The following CNTNAP2 variants were observed in gnomAD, a reference collection of about 807,000 sequenced individuals.
CNTNAP2 encodes contactin-associated protein-like 2.
Under a neutral mutation model 155.2 loss-of-function variants are expected in CNTNAP2, and 98 were observed. The ratio of observed to expected loss-of-function variants is 0.63; its 90% CI spans 0.54 to 0.75. The LOEUF (loss-of-function observed/expected upper bound fraction) is 0.75, where lower values mean the gene tolerates loss of function less well. CNTNAP2 is among the 30% of genes least tolerant of loss of function. The pLI, the probability that CNTNAP2 is intolerant of heterozygous loss-of-function variation, is 0.00. For synonymous variants in CNTNAP2, 651 were observed against 631.2 expected (o/e 1.03, Z -0.47); for missense variants, 1,727 against 1,688.1 (o/e 1.02, Z -0.40).
intron 1 of CNTNAP2, among the ~76,000 whole-genome samples, chr7:146,488,263 C>T (rs1797086315): frequency 8.1e-6 from 1 of 123,922 alleles, no homozygotes. Flanking sequence ...CCTCCCCTCC[C>T]CTCCCCTCCC....
chr7:147,800,887 G>C (rs1051537979), intron 13 of CNTNAP2, among the ~76,000 whole-genome samples: 1 of 152,164 alleles, frequency 6.6e-6, no homozygotes, highest in Non-Finnish European at 1.5e-5. Flanking sequence ...GCAGTATTCA[G>C]TACAGTAACA....
At chr7:147,969,359 C>G (rs575810257) in intron 14 of CNTNAP2, among the ~76,000 whole-genome samples, 1 of 152,098 alleles carries the variant, frequency 6.6e-6, no homozygotes, top group South Asian at 2.1e-4. Context: ...CAAACTGGGC[C>G]CCTTCTGATT....
Position 146,520,608 on chromosome 7 carries a change from G to A in CNTNAP2, c.98-253663G>A, listed in dbSNP as rs182296632. ...TCCTAGGTCGTCTTTTTACAGAATG[G>A]AGGAAATGGCCTTTTAATTCCACAA... On this transcript the variant is annotated intron_variant, in intron 1 of 23. Transcript: ENST00000361727. 7.3e-5 allele frequency among the ~76,000 whole-genome samples: 11 copies of A among 151,724 alleles called. No individual in the cohort carries two copies. In the East Asian group the frequency reaches 2.1e-3, roughly 29 times the overall value.
In CNTNAP2 at chr7:146,348,450, G is replaced by C. The variant is rs989192357; in HGVS notation, c.97+231477G>C. 2.6e-5 allele frequency among the ~76,000 whole-genome samples: 4 copies of C among 152,102 alleles called. No homozygotes were observed. The East Asian group carries it at 7.7e-4, about 29-fold the overall frequency. ...CAAAATAAATAAATAAGAAGCCACA[G>C]AAACATGGATTAAAGCAAAATTTCC... On this transcript the variant is annotated intron_variant, in intron 1 of 23. Transcript: ENST00000361727.
chr7:147,099,560 A>G (rs1232825970), intron 4 of CNTNAP2, among the ~76,000 whole-genome samples: 3 of 152,208 alleles, frequency 2.0e-5, no homozygotes, highest in Non-Finnish European at 4.4e-5. Flanking sequence ...CTATGAAAAG[A>G]GTGCCTAAAA....
intron 3 of CNTNAP2, among the ~76,000 whole-genome samples, chr7:146,851,650 C>CTGTGTGTGTGTGTG (rs71165041): frequency 1.5e-5 from 2 of 133,122 alleles, no homozygotes; most frequent in East Asian, 2.4e-4. Context: ...CATCTTTCTT[C>CTGTGTGTGTGTGTG]TGTGTGTGTG....
intron 3 of CNTNAP2, among the ~76,000 whole-genome samples, chr7:146,948,409 G>A (rs933382302): frequency 7.9e-5 from 12 of 151,996 alleles, no homozygotes; most frequent in African/African-American, 2.9e-4. Context: ...AATAATTTCT[G>A]TTAATTTTAT....
Position 146,395,281 on chromosome 7 carries a change from T to C in CNTNAP2, c.97+278308T>C, listed in dbSNP as rs146913208. 3.8e-3 allele frequency among the ~76,000 whole-genome samples: 582 copies of C among 152,190 alleles called. 4 individuals carry two copies. Among genetic ancestry groups the C allele is most frequent in the Non-Finnish European group, 6.1e-3 (414 of 67,982 alleles). On this transcript the variant is annotated intron_variant, in intron 1 of 23. Transcript: ENST00000361727. ...TAAGGAATCTGAGGCTCAGAGCTAGTAAGTGGTGGGTGTGGGATTCAAACC... is the reference window on the plus strand; with the variant it reads ...TAAGGAATCTGAGGCTCAGAGCTAGCAAGTGGTGGGTGTGGGATTCAAACC...
chr7:148,206,461 A>C (rs968786747), intron 18 of CNTNAP2, among the ~76,000 whole-genome samples: 6 of 152,074 alleles, frequency 3.9e-5, no homozygotes, highest in Non-Finnish European at 5.9e-5. Flanking sequence ...TTTCAAAATT[A>C]TTTCAAGGTA....
chr7:148,130,629 T>G (rs1318551457), intron 16 of CNTNAP2, among the ~76,000 whole-genome samples: 1 of 152,120 alleles, frequency 6.6e-6, no homozygotes, highest in African/African-American at 2.4e-5. Context: ...ATTTTCAAGT[T>G]TTTTTCCCCT....
At chr7:147,409,847 A>G (rs935167989) in intron 10 of CNTNAP2, among the ~76,000 whole-genome samples, 1 of 152,214 alleles carries the variant, frequency 6.6e-6, no homozygotes, top group African/African-American at 2.4e-5. Context: ...CAAAACCACA[A>G]TAAGATACCA....
At chr7:147,484,053 G>C (rs1021410986) in intron 10 of CNTNAP2, among the ~76,000 whole-genome samples, 1 of 152,030 alleles carries the variant, frequency 6.6e-6, no homozygotes, top group African/African-American at 2.4e-5. Context: ...AACTCCTCTA[G>C]TATCCAAATT....
At chr7:148,177,762 T>A (rs1298751931) in intron 18 of CNTNAP2, among the ~76,000 whole-genome samples, 1 of 152,192 alleles carries the variant, frequency 6.6e-6, no homozygotes, top group African/African-American at 2.4e-5. Flanking sequence ...TTTCCTTTCA[T>A]TTTGTAGCAA....
chr7:146,934,561 C>T (rs899886531), intron 3 of CNTNAP2, among the ~76,000 whole-genome samples: 2 of 151,842 alleles, frequency 1.3e-5, no homozygotes. Flanking sequence ...AACTAACCTG[C>T]ACATTGTGCA....
chr7:148,186,911 G>A (rs1408841864), intron 18 of CNTNAP2, among the ~76,000 whole-genome samples: 2 of 152,082 alleles, frequency 1.3e-5, no homozygotes, highest in East Asian at 1.9e-4. Flanking sequence ...TATTGGCCTT[G>A]CTTGTTGTCC....
chr7:148,284,712 C>T (rs1046106239), intron 21 of CNTNAP2, among the ~76,000 whole-genome samples: 2 of 151,952 alleles, frequency 1.3e-5, no homozygotes, highest in South Asian at 4.2e-4. Context: ...TAACATGTTT[C>T]GAAGAAAAAG....
intron 15 of CNTNAP2, among the ~76,000 whole-genome samples, chr7:148,042,919 G>A (rs1458403832): frequency 6.6e-6 from 1 of 152,194 alleles, no homozygotes; most frequent in Non-Finnish European, 1.5e-5. Context: ...GTGGTTTCCA[G>A]TATGTGAGTC....
rs1302009733 is a variant in CNTNAP2 at position 148,117,983 on chromosome 7, A to G, written c.2384-135A>G. On this transcript the variant is annotated intron_variant, in intron 15 of 23. Transcript: ENST00000361727. ...AATATATTTGTGAGGATTTGGTCCA[A>G]TGTTGTTCAACAGAATGAGAGAAAA... is the stretch of plus-strand genomic sequence containing the variant. 6 of 992,858 alleles carry G rather than the reference A, an allele frequency of 6.0e-6. No individual in the cohort carries two copies. In the Admixed American group the frequency reaches 9.1e-5, roughly 15 times the overall value. 61.5% of individuals were successfully genotyped at this position (992,858 alleles called of 1,614,324 possible).
In CNTNAP2 at chr7:146,932,435, G is replaced by T. The variant is rs544246303; in HGVS notation, c.402+92531G>T. ...TAAATTAGGTATTGATGGGATGTAT[G>T]GCAAAATAATAAGAGCTATCTATGA... On this transcript the variant is annotated intron_variant, in intron 3 of 23. Coordinates refer to ENST00000361727, the MANE Select transcript of CNTNAP2 (RefSeq NM_014141.6). Among the ~76,000 whole-genome samples the T allele has an allele frequency of 4.8e-3, 714 of 149,396 alleles. 4 individuals carry two copies. The highest frequency in any genetic ancestry group is 0.018 in the African/African-American group (683 of 38,868).
Sources: gnomAD v4.1 joint callset for allele counts (sites outside exome capture counted in the v4.1 genomes callset) on GRCh38, gnomAD v4.1.1 for gene constraint, MANE v1.5 for transcripts, NCBI Gene and HGNC (gene_info 2026-07-23, HGNC 2026-07-21) for gene names.